Variants in HTR4 observed in about 807,000 individuals in gnomAD.
HTR4 encodes 5-hydroxytryptamine receptor 4, also known as 5-hydroxytryptamine (serotonin) receptor 4, G protein-coupled.
HTR4 carries 16 observed loss-of-function variants against 36.8 expected under a neutral mutation model. The observed-to-expected ratio is 0.43, with a 90% CI of 0.29 to 0.66. HTR4 has a LOEUF of 0.66. HTR4 is among the 30% of genes least tolerant of loss of function. The pLI, the probability that HTR4 is intolerant of heterozygous loss-of-function variation, is 0.13. For synonymous variants in HTR4, 189 were observed against 185.1 expected (o/e 1.02, Z -0.17); for missense variants, 438 against 490.9 (o/e 0.89, Z 1.02).
At chr5:148,608,451 C>G (rs1752273036) in intron 2 of HTR4, among the ~76,000 whole-genome samples, 1 of 152,064 alleles carries the variant, frequency 6.6e-6, no homozygotes, top group Non-Finnish European at 1.5e-5. Flanking sequence ...GAAGAATGCT[C>G]TCAGTAGCAA....
At chr5:148,543,602 A>T (rs528068732) in intron 4 of HTR4, among the ~76,000 whole-genome samples, 1 of 152,238 alleles carries the variant, frequency 6.6e-6, no homozygotes, top group South Asian at 2.1e-4. Context: ...GTTGCTATTT[A>T]CAGTGGTTAC....
chr5:148,487,263 C>G (rs1028003033), intron 6 of HTR4, among the ~76,000 whole-genome samples: 3 of 152,080 alleles, frequency 2.0e-5, no homozygotes, highest in African/African-American at 7.2e-5. Flanking sequence ...CCCTCCAAAT[C>G]AAGAATTCTG....
Position 148,541,560 on chromosome 5 carries a change from T to C in HTR4, c.353+7108A>G, listed in dbSNP as rs569327957. Among the ~76,000 whole-genome samples, 4 of 152,246 alleles carry C rather than the reference T, an allele frequency of 2.6e-5. No individual in the cohort carries two copies. In the South Asian group the frequency reaches 8.3e-4, roughly 32 times the overall value. On this transcript the variant is annotated intron_variant, in intron 4 of 6. Transcript: ENST00000377888. ...TTTTATGAATGAAGCCCAACAGTCA[T>C]TGGAGAAGGCGACACATGTTATCTG...
At chr5:148,458,027 T>C (rs1755156883) in intron 5 of HTR4, among the ~76,000 whole-genome samples, 1 of 132,592 alleles carries the variant, frequency 7.5e-6, no homozygotes, top group African/African-American at 2.7e-5. Context: ...TAAATTAAGA[T>C]ATATTTAATA....
intron 5 of HTR4, among the ~76,000 whole-genome samples, chr5:148,463,715 T>G (rs1209768266): frequency 1.3e-5 from 2 of 152,070 alleles, no homozygotes; most frequent in Non-Finnish European, 2.9e-5. Flanking sequence ...TTTGTTTGTT[T>G]TTTAACAAAG....
At chr5:148,549,815 C>T (rs1433975085) in intron 3 of HTR4, among the ~76,000 whole-genome samples, 3 of 152,150 alleles carry the variant, frequency 2.0e-5, no homozygotes, top group Non-Finnish European at 4.4e-5. Context: ...TTGTCAGCCA[C>T]ATCTTCCCTA....
chr5:148,477,095 C>T (rs1245952534), downstream of HTR4, among the ~76,000 whole-genome samples: 1 of 152,108 alleles, frequency 6.6e-6, no homozygotes, highest in East Asian at 1.9e-4. Context: ...AAATGGCATG[C>T]TGAAACTTAT....
At chr5:148,474,562 C>A (rs1755649828), downstream of HTR4, among the ~76,000 whole-genome samples, 1 of 152,132 alleles carries the variant, frequency 6.6e-6, no homozygotes, top group Non-Finnish European at 1.5e-5. Context: ...ATAATGTCTG[C>A]CCTTTCATTC....
chr5:148,491,327 T>A (rs115092643), intron 6 of HTR4, among the ~76,000 whole-genome samples: 6 of 152,024 alleles, frequency 3.9e-5, no homozygotes, highest in African/African-American at 1.2e-4. Flanking sequence ...TATATATTTT[T>A]TTTTTTTTGG....
At chr5:148,513,415 C>T (rs540808439) in intron 5 of HTR4, among the ~76,000 whole-genome samples, 1 of 152,324 alleles carries the variant, frequency 6.6e-6, no homozygotes, top group African/African-American at 2.4e-5. Flanking sequence ...CCTAGTTGCA[C>T]TGCAGTGTAA....
chr5:148,502,112 A>C (rs1336401841), intron 6 of HTR4, among the ~76,000 whole-genome samples: 1 of 151,988 alleles, frequency 6.6e-6, no homozygotes, highest in South Asian at 2.1e-4. Context: ...AACTCTGCAG[A>C]CTTAAATGTC....
At chr5:148,596,902 T>C (rs1211763239) in intron 2 of HTR4, among the ~76,000 whole-genome samples, 1 of 152,158 alleles carries the variant, frequency 6.6e-6, no homozygotes, top group African/African-American at 2.4e-5. Flanking sequence ...GTGTAGCTAA[T>C]AGCCTTATGA....
At position 148,654,501 on chromosome 5, in the gene HTR4, CCT is replaced by C; in HGVS notation, c.-489_-488del. ...CCGTTCCGGGCTGGCCAGCACGCGCCCTCCCTGGCCGGAGCGCTGCTCATCTG... is the reference window on the plus strand; with the variant it reads ...CCGTTCCGGGCTGGCCAGCACGCGCCCCCTGGCCGGAGCGCTGCTCATCTG... On this transcript the variant is annotated 5_prime_UTR_variant, in exon 1 of 7. An upstream open reading frame in the 5' UTR loses its in-frame stop. Transcript: ENST00000377888. The C allele has an allele frequency of 1.0e-6, 1 of 985,566 alleles. No homozygotes were observed. The highest frequency in any genetic ancestry group is 1.2e-6 in the Non-Finnish European group (1 of 830,026). 61.1% of individuals were successfully genotyped at this position (985,566 alleles called of 1,614,324 possible). A position where few individuals can be genotyped will look rare whatever the true frequency, so the allele number is the denominator to read the frequency against.
chr5:148,516,931 C>T (rs936977941), intron 5 of HTR4, among the ~76,000 whole-genome samples: 1 of 152,144 alleles, frequency 6.6e-6, no homozygotes, highest in Admixed American at 6.5e-5. Flanking sequence ...ACCACAATTA[C>T]TTTTACACAG....
intron 1 of HTR4, among the ~76,000 whole-genome samples, chr5:148,646,888 A>C (rs552316636): frequency 2.0e-5 from 3 of 152,342 alleles, no homozygotes; most frequent in African/African-American, 7.2e-5. Flanking sequence ...TTTAACTACT[A>C]AGTTATCCCA....
chr5:148,484,468 T>G, intron 6 of HTR4: 1 of 1,269,326 alleles, frequency 7.9e-7, no homozygotes, highest in Non-Finnish European at 1.1e-6. Flanking sequence ...TTCTGGAGAT[T>G]AGCTTTAGTG....
At chr5:148,624,754 G>A (rs759729520) in intron 2 of HTR4, among the ~76,000 whole-genome samples, 2 of 152,204 alleles carry the variant, frequency 1.3e-5, no homozygotes, top group African/African-American at 4.8e-5. Flanking sequence ...ATAGAGTGGA[G>A]ATGGGTAATG....
chr5:148,565,189 A>T (rs576543794), intron 2 of HTR4, among the ~76,000 whole-genome samples: 13 of 152,100 alleles, frequency 8.5e-5, no homozygotes, highest in African/African-American at 3.1e-4. Context: ...CTGTTATCTT[A>T]ATCCTAGCTA....
chr5:148,469,458 C>T (rs958794405), intron 5 of HTR4, among the ~76,000 whole-genome samples: 1 of 152,206 alleles, frequency 6.6e-6, no homozygotes, highest in African/African-American at 2.4e-5. Context: ...ACAAGATCTG[C>T]TGTCAAAAAT....
Sources: allele counts gnomAD v4.1 joint callset (sites outside exome capture counted in the v4.1 genomes callset), GRCh38; gene constraint gnomAD v4.1.1; transcripts MANE v1.5; gene names NCBI Gene and HGNC (gene_info 2026-07-23, HGNC 2026-07-21).